Variants in TBX3 observed in about 807,000 individuals in gnomAD.
TBX3 encodes the protein T-box transcription factor TBX3.
TBX3 carries 11 observed loss-of-function variants against 47.8 expected under a neutral mutation model. The observed-to-expected ratio is 0.23, with a 90% CI of 0.14 to 0.38. The LOEUF (loss-of-function observed/expected upper bound fraction) is 0.38, where lower values mean the gene tolerates loss of function less well. Ranked by LOEUF, TBX3 falls within the 10% of genes least tolerant of loss-of-function variation. The probability of loss-of-function intolerance (pLI) is 1.00; values close to 1 mark genes in which losing one functional copy is unlikely to be tolerated. For synonymous variants in TBX3, 500 were observed against 449.3 expected (o/e 1.11, Z -1.43); for missense variants, 927 against 1,022.8 (o/e 0.91, Z 1.28).
rs1291296572 is a variant in TBX3 at position 114,672,233 on chromosome 12, C to T, written c.1780G>A (p.Ala594Thr). The change falls in exon 7 of 7, where the codon GCC becomes ACC. Residue 594 changes from alanine to threonine, a missense_variant. Transcript: ENST00000349155. ...GAGCTGGAGGCTGCCGCAGAGGAGG[C>T]GGCCGCCGCTGCGGCCATGTACGTG... ...PYTYMAAAAA[A>T]SSAAASSSVH... 2.5e-6 allele frequency: 4 copies of T among 1,573,720 alleles called. No individual in the cohort carries two copies. The highest frequency in any genetic ancestry group is 1.7e-4 in the Middle Eastern group (1 of 5,988).
At chr12:114,681,866 C>T (rs901084949) in intron 1 of TBX3, among the ~76,000 whole-genome samples, 4 of 152,190 alleles carry the variant, frequency 2.6e-5, no homozygotes, top group African/African-American at 9.6e-5. Context: ...TAAAAGGAAG[C>T]AAGGAAGCAC....
rs760488325 is a variant in TBX3, at chr12:114,683,211, C to A, written c.-11G>T. 6.2e-7 allele frequency: 1 copy of A among 1,607,692 alleles called. No homozygotes were observed. Among genetic ancestry groups the A allele is most frequent in the South Asian group, 1.1e-5 (1 of 90,944 alleles). ...CATGGAGAGGCTCATCCACTCCAGG[C>A]GGGGCGCTGGGCTCCAGCCGGGGAC... On this transcript the variant is annotated 5_prime_UTR_variant, in exon 1 of 7. Coordinates refer to ENST00000349155, the MANE Select transcript of TBX3 (RefSeq NM_005996.4). The surrounding 1 kb of genome is among the most constrained non-coding windows in gnomAD (Gnocchi z 7.7).
At position 114,674,739 on chromosome 12, in the gene TBX3, G is replaced by A. The variant is rs746953122; in HGVS notation, c.1136C>T (p.Thr379Met). 6.9e-6 allele frequency: 11 copies of A among 1,596,480 alleles called. No homozygotes were observed. Among genetic ancestry groups the A allele is most frequent in the South Asian group, 5.6e-5 (5 of 89,350 alleles). ...CTTGTCACGGCAGGGCTCCTCCGAC[G>A]TGGTGGTGGAGATCTTGGCCGCGTC... ...ACDAAKISTT[T>M]SEEPCRDKGS... is the part of the protein sequence containing the mutation. The change falls in exon 6 of 7, where the codon ACG (threonine) becomes ATG (methionine). Residue 379 changes from threonine (T) to methionine (M), a missense_variant. Physicochemically the swap from Thr to Met is moderately conservative, Grantham distance 81. This residue lies in a region of TBX3 where 623 missense variants were observed against 569.0 expected (regional missense o/e 1.09). Coordinates refer to ENST00000349155, the MANE Select transcript of TBX3 (RefSeq NM_005996.4).
At position 114,671,591 on chromosome 12, in the gene TBX3, CCCCAGTAG is replaced by C; in HGVS notation, c.*242_*249del. The C allele has an allele frequency of 1.7e-6, 1 of 584,788 alleles. No individual in the cohort carries two copies. Among genetic ancestry groups the C allele is most frequent in the Middle Eastern group, 4.6e-4 (1 of 2,172 alleles). 36.2% of individuals were successfully genotyped at this position (584,788 alleles called of 1,614,324 possible). ...TGGACATAAATGTTGGAACTCCTACCCCCAGTAGCTCAATGCAACCGACGTTTCTGAGC... is the reference window on the plus strand; with the variant it reads ...TGGACATAAATGTTGGAACTCCTACCCTCAATGCAACCGACGTTTCTGAGC... On this transcript the variant is annotated 3_prime_UTR_variant, in exon 7 of 7. Coordinates refer to ENST00000349155, the MANE Select transcript of TBX3 (RefSeq NM_005996.4).
At position 114,674,151 on chromosome 12, in the gene TBX3, A is replaced by AG. The variant is rs1474182186; in HGVS notation, c.1710+13dup. The AG allele has an allele frequency of 6.3e-7, 1 of 1,578,204 alleles. No individual in the cohort carries two copies. Among genetic ancestry groups the AG allele is most frequent in the Non-Finnish European group, 8.6e-7 (1 of 1,163,708 alleles). On this transcript the variant is annotated intron_variant, in intron 6 of 6. Transcript: ENST00000349155. ...GGTGGAAAGACTGGTGGAGGCAGGAAGAAGGATCCATACCTGAGAGGCCAG... is the reference window on the plus strand; with the variant it reads ...GGTGGAAAGACTGGTGGAGGCAGGAAGGAAGGATCCATACCTGAGAGGCCAG...
intron 1 of TBX3, 68 bp from the exon 2 acceptor site, chr12:114,681,214 A>G: frequency 1.3e-6 from 2 of 1,587,676 alleles, no homozygotes; most frequent in East Asian, 2.2e-5. Context: ...TTGATTTCCT[A>G]TGTATCACAT....
rs898522896 is a variant in TBX3, at chr12:114,670,343, A to G, written c.*1498T>C. The G allele has an allele frequency of 6.2e-5, 14 of 224,228 alleles. No homozygotes were observed. The highest frequency in any genetic ancestry group is 1.8e-4 in the African/African-American group (8 of 44,904). The allele number at this position is 224,228 out of a possible 1,614,324, so 13.9% of individuals were successfully genotyped here. ...AAAACCAAAGAACTCATCAACAACT[A>G]TAACACAAAATATACCTTCATGAAT... On this transcript the variant is annotated 3_prime_UTR_variant, in exon 7 of 7. Coordinates refer to ENST00000349155, the MANE Select transcript of TBX3 (RefSeq NM_005996.4).
intron 1 of TBX3, 33 bp downstream of exon 1, chr12:114,682,779 A>G: frequency 6.2e-7 from 1 of 1,614,054 alleles, no homozygotes; most frequent in African/African-American, 1.3e-5. Flanking sequence ...AAAACTCTCC[A>G]ACAGCTTAGG....
chr12:114,671,893 A>T lies in TBX3; in HGVS notation c.2120T>A (p.Leu707Ter). 1 of 1,576,982 alleles carries T rather than the reference A, an allele frequency of 6.3e-7. No homozygotes were observed. The highest frequency in any genetic ancestry group is 8.6e-7 in the Non-Finnish European group (1 of 1,161,530). ...ATSELQSIQR[L>*]VSGLEAKPDR... ...CGGCTTGGCTTCCAAGCCGCTAACCAACCGCTGGATGCTCTGCAGTTCGCT... is the reference window on the plus strand; with the variant it reads ...CGGCTTGGCTTCCAAGCCGCTAACCTACCGCTGGATGCTCTGCAGTTCGCT... Residue 707 changes from leucine (L) to a stop codon, truncating the protein, a stop_gained, in exon 7 of 7, where the codon TTG becomes TAG. Coordinates refer to ENST00000349155, the MANE Select transcript of TBX3 (RefSeq NM_005996.4). LOFTEE classifies it high-confidence loss of function.
At position 114,672,255 on chromosome 12, in the gene TBX3, C is replaced by A. The variant is rs752590045; in HGVS notation, c.1758G>T (p.Thr586=). ...PFGSLFPYPY[T]YMAAAAAASS... is the part of the protein sequence containing the mutation. ...AGGCGGCCGCCGCTGCGGCCATGTA[C>A]GTGTAGGGGTAAGGGAACAGGCTTC... The change falls in exon 7 of 7, where the codon ACG becomes ACT. Residue 586 remains threonine (T), a synonymous_variant. Transcript: ENST00000349155. 3 of 1,576,640 alleles carry A rather than the reference C, an allele frequency of 1.9e-6. No homozygotes were observed. The highest frequency in any genetic ancestry group is 1.7e-4 in the Middle Eastern group (1 of 5,990).
At chr12:114,675,143 T>C (rs558006784) in intron 5 of TBX3, among the ~76,000 whole-genome samples, 4 of 152,346 alleles carry the variant, frequency 2.6e-5, no homozygotes, top group Middle Eastern at 3.4e-3. Flanking sequence ...ATTTTACTTC[T>C]TTTTTTGAGT....
At chr12:114,679,717 GA>G in intron 2 of TBX3, 66 bp from the exon 3 acceptor site, 1 of 1,609,874 alleles carries the variant, frequency 6.2e-7, no homozygotes, top group Non-Finnish European at 8.5e-7. Flanking sequence ...GGGATCTTAG[GA>G]CCCCTGCCAG....
chr12:114,681,263 A>T, intron 1 of TBX3, 117 bp from the exon 2 acceptor site: 1 of 1,390,098 alleles, frequency 7.2e-7, no homozygotes, highest in East Asian at 2.3e-5. Context: ...ATTGTGACTG[A>T]TAAGCTTACA....
In TBX3 at chr12:114,671,813, G is replaced by T. The variant is rs1868444422; in HGVS notation, c.*28C>A. The T allele has an allele frequency of 6.5e-7, 1 of 1,549,226 alleles. No individual in the cohort carries two copies. Among genetic ancestry groups the T allele is most frequent in the East Asian group, 2.4e-5 (1 of 41,030 alleles). On this transcript the variant is annotated 3_prime_UTR_variant, in exon 7 of 7. Transcript: ENST00000349155. ...AGTGCACGGCAGCCTGAACTGGACT[G>T]GAATGAAAAGACGTGTCTGGGACGG...
At position 114,672,837 on chromosome 12, in the gene TBX3, C is replaced by CAAACA. The variant is rs565279142; in HGVS notation, c.1711-540_1711-536dup. ...CCCACCCCAATCCTAGAAGTTTCTC[C>CAAACA]AAACAAAACAAAACAAAACAAAAAA... On this transcript the variant is annotated intron_variant, in intron 6 of 6. Coordinates refer to ENST00000349155, the MANE Select transcript of TBX3 (RefSeq NM_005996.4). 4.0e-3 allele frequency among the ~76,000 whole-genome samples: 605 copies of CAAACA among 152,040 alleles called. 5 individuals are homozygous for CAAACA. Among genetic ancestry groups the CAAACA allele is most frequent in the African/African-American group, 0.014 (575 of 41,434 alleles).
rs1868422482 is a variant in TBX3, at chr12:114,671,565, C to T, written c.*276G>A. The T allele has an allele frequency of 1.3e-5, 7 of 546,402 alleles. No homozygotes were observed. The Admixed American group carries it at 2.2e-4, about 17-fold the overall frequency. 33.8% of individuals were successfully genotyped at this position (546,402 alleles called of 1,614,324 possible). On this transcript the variant is annotated 3_prime_UTR_variant, in exon 7 of 7. Transcript: ENST00000349155. ...CAGACCAGCCTTGCTGGAAGTTGCTCTGGACATAAATGTTGGAACTCCTAC... is the reference window on the plus strand; with the variant it reads ...CAGACCAGCCTTGCTGGAAGTTGCTTTGGACATAAATGTTGGAACTCCTAC...
chr12:114,678,459 G>A (rs1014401452), intron 3 of TBX3, among the ~76,000 whole-genome samples: 6 of 152,152 alleles, frequency 3.9e-5, no homozygotes, highest in African/African-American at 1.4e-4. Context: ...GTGGAAAGGG[G>A]GACCCTTGGT....
chr12:114,672,691 G>A (rs992560013), intron 6 of TBX3, among the ~76,000 whole-genome samples: 4 of 152,054 alleles, frequency 2.6e-5, no homozygotes, highest in Non-Finnish European at 5.9e-5. Flanking sequence ...AAATCTCCTT[G>A]CACCTGTTAA....
At position 114,684,132 on chromosome 12, in the gene TBX3, G is replaced by A. The variant is rs910797299; in HGVS notation, c.-932C>T. The stretch of plus-strand genomic sequence containing the variant: ...AGGGAGGGAGCGAGAGAAAGCGAGA[G>A]CTCCTCGCCACCCTCCGCCGCCTCT... On this transcript the variant is annotated 5_prime_UTR_variant, in exon 1 of 7. Transcript: ENST00000349155. 23 of 232,080 alleles carry A rather than the reference G, an allele frequency of 9.9e-5. No homozygotes were observed. The highest frequency in any genetic ancestry group is 4.2e-4 in the African/African-American group (19 of 45,222). 14.4% of individuals were successfully genotyped at this position (232,080 alleles called of 1,614,324 possible).
Sources: gnomAD v4.1 joint callset for allele counts (sites outside exome capture counted in the v4.1 genomes callset) on GRCh38, gnomAD v4.1.1 for gene constraint, gnomAD v4.1.1 regional missense constraint, Gnocchi (gnomAD v3.1) non-coding constraint, MANE v1.5 for transcripts, NCBI Gene and HGNC (gene_info 2026-07-23, HGNC 2026-07-21) for gene names.